Variants in RMDN2 observed in about 807,000 individuals in gnomAD.
The protein encoded by RMDN2 is regulator of microtubule dynamics protein 2.
In RMDN2, 61 loss-of-function variants were observed where a neutral mutation model predicts 52.8. The ratio of observed to expected loss-of-function variants is 1.16; its 90% CI spans 0.94 to 1.43. RMDN2 has a LOEUF of 1.43. RMDN2 is among the 40% of genes most tolerant of loss of function. The probability of loss-of-function intolerance (pLI) is 0.00; values close to 1 mark genes in which losing one functional copy is unlikely to be tolerated. For missense variants in RMDN2, 592 were observed against 475.3 expected (o/e 1.25, Z -2.28); for synonymous variants, 180 against 153.1 (o/e 1.18, Z -1.30).
At chr2:37,964,037 G>C (rs1367449280) in intron 2 of RMDN2, among the ~76,000 whole-genome samples, 5 of 148,196 alleles carry the variant, frequency 3.4e-5, no homozygotes, top group African/African-American at 1.2e-4. Context: ...GGCGGGGGCT[G>C]CCCCCCACCT....
At chr2:37,982,202 A>G (rs1453270693) in intron 5 of RMDN2, among the ~76,000 whole-genome samples, 1 of 152,212 alleles carries the variant, frequency 6.6e-6, no homozygotes, top group Non-Finnish European at 1.5e-5. Flanking sequence ...TTTGTCCCAC[A>G]GAAGACTCAT....
intron 2 of RMDN2, among the ~76,000 whole-genome samples, chr2:37,959,335 T>C (rs1405681093): frequency 6.6e-6 from 1 of 150,986 alleles, no homozygotes; most frequent in Non-Finnish European, 1.5e-5. Context: ...TCAGAACTTG[T>C]TATTGGTCTA....
chr2:37,967,683 T>C (rs1354889950), intron 2 of RMDN2, among the ~76,000 whole-genome samples: 1 of 152,244 alleles, frequency 6.6e-6, no homozygotes, highest in Admixed American at 6.5e-5. Context: ...ATGATGATAC[T>C]CCTGCTCATT....
At chr2:37,986,327 CAGAA>C (rs1210929425) in intron 5 of RMDN2, among the ~76,000 whole-genome samples, 2 of 152,124 alleles carry the variant, frequency 1.3e-5, no homozygotes, top group African/African-American at 2.4e-5. Context: ...TTTTCCAAAA[CAGAA>C]AGCATCAGGA....
chr2:37,934,881 A>G (rs537188730), intron 2 of RMDN2, among the ~76,000 whole-genome samples: 30 of 152,292 alleles, frequency 2.0e-4, no homozygotes, highest in East Asian at 3.9e-4. Context: ...GTCTAAAACT[A>G]TTATTTGAAT....
At chr2:37,984,824 T>G (rs1657455493) in intron 5 of RMDN2, among the ~76,000 whole-genome samples, 1 of 150,830 alleles carries the variant, frequency 6.6e-6, no homozygotes, top group Non-Finnish European at 1.5e-5. Flanking sequence ...TTTTCAGAAT[T>G]TCCATCAGCC....
At chr2:37,958,515 T>C (rs1318340856) in intron 2 of RMDN2, among the ~76,000 whole-genome samples, 1 of 151,100 alleles carries the variant, frequency 6.6e-6, no homozygotes, top group African/African-American at 2.5e-5. Context: ...TGAAGTTGCT[T>C]ATCAGCTTAA....
chr2:37,953,579 A>G (rs1669102488), intron 2 of RMDN2, among the ~76,000 whole-genome samples: 1 of 152,040 alleles, frequency 6.6e-6, no homozygotes, highest in Non-Finnish European at 1.5e-5. Flanking sequence ...CATTTTGCAT[A>G]TCCTTTATCC....
intron 2 of RMDN2, chr2:37,952,558 T>G (rs1007645657): frequency 5.6e-6 from 2 of 357,758 alleles, no homozygotes; most frequent in African/African-American, 4.2e-5. Context: ...AATACATTCT[T>G]TGAGAGTTTA....
At chr2:37,928,389 T>G (rs932754628) in intron 1 of RMDN2, among the ~76,000 whole-genome samples, 3 of 152,186 alleles carry the variant, frequency 2.0e-5, no homozygotes, top group Admixed American at 6.5e-5. Flanking sequence ...ATTTGAAGTG[T>G]AAGAAACAAT....
At position 38,061,377 on chromosome 2, in the gene RMDN2, G is replaced by A. The variant is rs761632959; in HGVS notation, c.1714-5605G>A. On this transcript the variant is annotated intron_variant, in intron 10 of 10. Transcript: ENST00000234195. ...AAGCCAGTGCTGATTATGGGCCAAT[G>A]TCATCTGCTGTGGAGTGCGCTGAGA... Among the ~76,000 whole-genome samples the A allele has an allele frequency of 3.1e-4, 47 of 152,298 alleles. No homozygotes were observed. The Middle Eastern group carries it at 0.01, about 33-fold the overall frequency.
downstream of RMDN2, among the ~76,000 whole-genome samples, chr2:38,018,621 A>G (rs972175245): frequency 2.0e-5 from 3 of 152,380 alleles, no homozygotes; most frequent in African/African-American, 4.8e-5. Flanking sequence ...TAGTACATAC[A>G]TAGGATCTCA....
At chr2:37,981,527 A>G (rs188048065) in intron 5 of RMDN2, among the ~76,000 whole-genome samples, 184 bp downstream of exon 5, 534 of 152,328 alleles carry the variant, frequency 3.5e-3, no homozygotes, top group Non-Finnish European at 6.0e-3. Context: ...TGCAGCCTTG[A>G]AATATATTTA....
intron 10 of RMDN2, among the ~76,000 whole-genome samples, chr2:38,032,001 A>T (rs934399152): frequency 6.6e-6 from 1 of 152,218 alleles, no homozygotes; most frequent in Admixed American, 6.5e-5. Context: ...TCTAAAAAAG[A>T]AAAAAAGTGA....
At chr2:37,963,892 C>T (rs199607340) in intron 2 of RMDN2, among the ~76,000 whole-genome samples, 28,691 of 131,366 alleles carry the variant, frequency 0.22, 3,935 homozygotes, top group East Asian at 0.74. Flanking sequence ...GCAGGGGCGG[C>T]GGGGCAGAGG....
At chr2:38,039,768 C>G (rs1034411596) in intron 10 of RMDN2, among the ~76,000 whole-genome samples, 1 of 152,182 alleles carries the variant, frequency 6.6e-6, no homozygotes, top group South Asian at 2.1e-4. Context: ...TCCCATGAAC[C>G]TAACTTTTCC....
intron 10 of RMDN2, among the ~76,000 whole-genome samples, chr2:38,050,400 C>A (rs892035554): frequency 3.3e-5 from 5 of 152,028 alleles, no homozygotes; most frequent in Non-Finnish European, 7.4e-5. Context: ...CCACATACAG[C>A]CCCAATTTCT....
chr2:37,988,297 A>T (rs1221086419), intron 5 of RMDN2, among the ~76,000 whole-genome samples: 2 of 152,204 alleles, frequency 1.3e-5, no homozygotes, highest in Admixed American at 6.5e-5. Flanking sequence ...GGAAAGATTT[A>T]TTGTGGATCT....
chr2:37,941,691 C>A (rs115256931), intron 2 of RMDN2, among the ~76,000 whole-genome samples: 2,335 of 152,292 alleles, frequency 0.015, 52 homozygotes, highest in African/African-American at 0.053. Context: ...TTTGTTTACA[C>A]CGTGTGGGGA....
Sources: allele counts gnomAD v4.1 joint callset (sites outside exome capture counted in the v4.1 genomes callset), GRCh38; gene constraint gnomAD v4.1.1; transcripts MANE v1.5; gene names NCBI Gene and HGNC (gene_info 2026-07-23, HGNC 2026-07-21).